The following CACNA1C variants were observed in gnomAD, a reference collection of about 807,000 sequenced individuals.
The protein encoded by CACNA1C is voltage-dependent L-type calcium channel subunit alpha-1C.
Under a neutral mutation model 229.0 loss-of-function variants are expected in CACNA1C, and 30 were observed. The ratio of observed to expected loss-of-function variants is 0.13; its 90% CI spans 0.10 to 0.18. The LOEUF (loss-of-function observed/expected upper bound fraction) is 0.18. Among genes scored for constraint, CACNA1C ranks in the 10% least tolerant of loss-of-function variants. The pLI is 1.00. For synonymous variants in CACNA1C, 1,114 were observed against 1,132.5 expected, an observed-to-expected ratio of 0.98 and a Z score of 0.33; for missense variants, 1,658 against 2,845.0, an observed-to-expected ratio of 0.58 and a Z score of 9.49.
intron 3 of CACNA1C, among the ~76,000 whole-genome samples, chr12:2,163,920 C>T (rs1421397405): frequency 1.3e-5 from 2 of 152,158 alleles, no homozygotes; most frequent in Non-Finnish European, 2.9e-5. Context: ...GTAAAAAGTT[C>T]ACGTTCCCGT....
At chr12:2,667,437 T>C (rs1460373859) in intron 37 of CACNA1C, among the ~76,000 whole-genome samples, 1 of 152,134 alleles carries the variant, frequency 6.6e-6, no homozygotes, top group Non-Finnish European at 1.5e-5. Context: ...GAGAATCCAC[T>C]CATGGAAAAC....
At chr12:1,992,234 AT>A (rs35440646) in intron 1 of CACNA1C, 20,060 of 155,212 alleles carry the variant, frequency 0.13, 1,536 homozygotes, top group Admixed American at 0.19. Context: ...CAATAGCTTT[AT>A]TTTTTTCTCT....
At chr12:2,154,512 A>G (rs370735738) in intron 3 of CACNA1C, among the ~76,000 whole-genome samples, 3 of 152,312 alleles carry the variant, frequency 2.0e-5, no homozygotes, top group African/African-American at 7.2e-5. Flanking sequence ...ACCCGGGGCC[A>G]GCAGTGGGTC....
intron 4 of CACNA1C, among the ~76,000 whole-genome samples, chr12:2,455,031 T>G (rs1021957217): frequency 6.6e-6 from 1 of 151,540 alleles, no homozygotes; most frequent in African/African-American, 2.4e-5. Context: ...GCCCTGCCCC[T>G]GCACGGGTGG....
At chr12:2,371,724 C>CTTTT (rs61627008) in intron 3 of CACNA1C, among the ~76,000 whole-genome samples, 1 of 129,016 alleles carries the variant, frequency 7.8e-6, no homozygotes, top group African/African-American at 2.9e-5. Flanking sequence ...TGACATATGG[C>CTTTT]TTTTTTTTTT....
At chr12:2,256,025 T>TGACCTGACTAGTTTACAAC (rs2077455966) in intron 3 of CACNA1C, among the ~76,000 whole-genome samples, 1 of 138,648 alleles carries the variant, frequency 7.2e-6, no homozygotes, top group African/African-American at 2.7e-5. Context: ...TAGTTTACAA[T>TGACCTGACTAGTTTACAAC]CACACGATCC....
At chr12:2,270,287 A>G (rs1035141669) in intron 3 of CACNA1C, among the ~76,000 whole-genome samples, 24 of 152,340 alleles carry the variant, frequency 1.6e-4, no homozygotes, top group Admixed American at 1.3e-3. Context: ...ACCTTGAGCC[A>G]GCTGTAATGA....
At position 2,504,560 on chromosome 12, in the gene CACNA1C, TC is replaced by T; in HGVS notation, c.1114-280del. 2.1e-6 allele frequency: 3 copies of T among 1,401,058 alleles called. No homozygotes were observed. The highest frequency in any genetic ancestry group is 3.0e-6 in the Non-Finnish European group (3 of 985,948). 86.8% of individuals were successfully genotyped at this position (1,401,058 alleles called of 1,614,324 possible). On this transcript the variant is annotated intron_variant, in intron 7 of 46. Transcript: ENST00000399655. This position sits in a 1 kb window ranked among gnomAD's most constrained non-coding sequence, Gnocchi z 6.8. ...AGCGGGTAAGCTGACCGTTTCTATG[TC>T]CTCTCCACAACGCAGCCGAGCAAGG...
In CACNA1C at chr12:2,678,257, A is replaced by G. The variant is rs1038882133; in HGVS notation, c.5091+390A>G. 2.0e-5 allele frequency among the ~76,000 whole-genome samples: 3 copies of G among 152,200 alleles called. No homozygotes were observed. The East Asian group carries it at 5.8e-4, about 29-fold the overall frequency. On this transcript the variant is annotated intron_variant, in intron 41 of 46. Coordinates refer to ENST00000399655, the MANE Select transcript of CACNA1C (RefSeq NM_000719.7). This position sits in a 1 kb window ranked among gnomAD's most constrained non-coding sequence, Gnocchi z 4.1. Reference sequence around the variant, plus strand: ...CAAGACTTCTGGCATTCTTTGGAAAAGTCAGGAGACCTGGTAATATTAAGC... The same window carrying G: ...CAAGACTTCTGGCATTCTTTGGAAAGGTCAGGAGACCTGGTAATATTAAGC...
In CACNA1C at chr12:2,410,459, A is replaced by G. The variant is rs551131744; in HGVS notation, c.478-38517A>G. Among the ~76,000 whole-genome samples the G allele has an allele frequency of 1.6e-4, 24 of 152,354 alleles. No individual in the cohort carries two copies. The highest frequency in any genetic ancestry group is 5.3e-4 in the African/African-American group (22 of 41,588). On this transcript the variant is annotated intron_variant, in intron 3 of 46. Coordinates refer to ENST00000399655, the MANE Select transcript of CACNA1C (RefSeq NM_000719.7). This position sits in a 1 kb window ranked among gnomAD's most constrained non-coding sequence, Gnocchi z 5.3. ...GTGCATGATATAGTTTTCGTTTTCA[A>G]AGGACCATGATTTCCATGGATTACT...
intron 10 of CACNA1C, among the ~76,000 whole-genome samples, chr12:2,555,036 C>T (rs1340198424): frequency 6.6e-6 from 1 of 152,216 alleles, no homozygotes; most frequent in African/African-American, 2.4e-5. Flanking sequence ...CTTATCCATC[C>T]AGACCTGTAA....
intron 3 of CACNA1C, among the ~76,000 whole-genome samples, chr12:2,321,653 G>A (rs773957423): frequency 1.2e-4 from 19 of 152,150 alleles, no homozygotes; most frequent in Admixed American, 2.6e-4. Context: ...ATTTCATATA[G>A]CACTAGGTGC....
chr12:2,180,097 C>T (rs374009783), intron 3 of CACNA1C, among the ~76,000 whole-genome samples: 4 of 152,238 alleles, frequency 2.6e-5, no homozygotes, highest in African/African-American at 2.4e-5. Context: ...CACGTCTTCT[C>T]GTTCCCTGTA....
chr12:2,537,205 A>G (rs2154587054), intron 9 of CACNA1C, among the ~76,000 whole-genome samples: 1 of 152,338 alleles, frequency 6.6e-6, no homozygotes, highest in South Asian at 2.1e-4. Context: ...CCCATGACAG[A>G]TAGGAAAAGG....
At chr12:2,162,539 G>T (rs567762838) in intron 3 of CACNA1C, among the ~76,000 whole-genome samples, 1 of 152,054 alleles carries the variant, frequency 6.6e-6, no homozygotes, top group Non-Finnish European at 1.5e-5. Context: ...CAGTAAGCCT[G>T]CCCACTGAAT....
chr12:1,996,664 T>C (rs1293096160), intron 1 of CACNA1C, among the ~76,000 whole-genome samples: 20 of 104,502 alleles, frequency 1.9e-4, no homozygotes, highest in African/African-American at 4.2e-4. Context: ...AACAACAAAC[T>C]CTTCTAATGT....
At chr12:2,278,985 A>G (rs1455637185) in intron 3 of CACNA1C, among the ~76,000 whole-genome samples, 1 of 152,202 alleles carries the variant, frequency 6.6e-6, no homozygotes, top group African/African-American at 2.4e-5. Flanking sequence ...TTTCCTGAAG[A>G]CTAACAATAT....
At chr12:2,667,265 C>T (rs1468873) in intron 37 of CACNA1C, among the ~76,000 whole-genome samples, 140,440 of 149,108 alleles carry the variant, frequency 0.94, 66,383 homozygotes, top group Non-Finnish European at 1. Context: ...TTCTCCCTCC[C>T]CTCCACCATG....
rs1015512893 is a variant in CACNA1C at position 2,287,264 on chromosome 12, C to A, written c.478-161712C>A. 1.2e-4 allele frequency among the ~76,000 whole-genome samples: 18 copies of A among 152,150 alleles called. No individual in the cohort carries two copies. Among genetic ancestry groups the A allele is most frequent in the Admixed American group, 1.1e-3 (17 of 15,280 alleles). On this transcript the variant is annotated intron_variant, in intron 3 of 46. Transcript: ENST00000399655. The surrounding 1 kb of genome is among the most constrained non-coding windows in gnomAD (Gnocchi z 4.6). ...GAATGACCTTCCCAAGGGGAGGGAT[C>A]GGGCAAGTATTGAGTCATTCCTGCT...
Sources: allele counts gnomAD v4.1 joint callset (sites outside exome capture counted in the v4.1 genomes callset), GRCh38; gene constraint gnomAD v4.1.1; non-coding constraint Gnocchi (gnomAD v3.1); transcripts MANE v1.5; gene names NCBI Gene and HGNC (gene_info 2026-07-23, HGNC 2026-07-21).